Variants in ALS2 observed in about 807,000 individuals in gnomAD.
ALS2 encodes the protein alsin.
In ALS2, 117 loss-of-function variants were observed where a neutral mutation model predicts 203.4. The observed-to-expected ratio is 0.58, with a 90% CI of 0.50 to 0.67. ALS2 has a LOEUF of 0.67. Among genes scored for constraint, ALS2 ranks in the 30% least tolerant of loss-of-function variants. ALS2 has a pLI of 0.00. For synonymous variants in ALS2, 718 were observed against 725.9 expected (o/e 0.99, Z 0.17); for missense variants, 1,715 against 1,989.4 (o/e 0.86, Z 2.62).
In ALS2 at chr2:201,780,412, C is replaced by A. The variant is rs115734542; in HGVS notation, c.-61+465G>T. On this transcript the variant is annotated intron_variant, in intron 1 of 33. Transcript: ENST00000264276. ...GTAGCCCTTGGTCCACTCTTCAACG[C>A]GATTTGCACCCTGTGGCAAGGCCGC... 5.8e-4 allele frequency among the ~76,000 whole-genome samples: 89 copies of A among 152,350 alleles called. 1 individual carries two copies. The highest frequency in any genetic ancestry group is 2.1e-3 in the African/African-American group (86 of 41,568).
intron 13 of ALS2, among the ~76,000 whole-genome samples, chr2:201,731,753 A>T (rs1271538944): frequency 6.6e-6 from 1 of 152,202 alleles, no homozygotes; most frequent in Non-Finnish European, 1.5e-5. Context: ...AACCCCTGTG[A>T]TAAGGATAAG....
At chr2:201,715,562 A>T in intron 25 of ALS2, 110 bp downstream of exon 25, 2 of 1,339,384 alleles carry the variant, frequency 1.5e-6, no homozygotes, top group Non-Finnish European at 2.1e-6. Context: ...CTCAGAAGCG[A>T]AGTAAATCAT....
At chr2:201,732,087 G>A (rs937454130) in intron 13 of ALS2, among the ~76,000 whole-genome samples, 7 of 152,116 alleles carry the variant, frequency 4.6e-5, no homozygotes, top group African/African-American at 1.4e-4. Context: ...TATTTGAGAG[G>A]TCAAACCTTC....
intron 11 of ALS2, among the ~76,000 whole-genome samples, chr2:201,739,403 T>C (rs1028339928): frequency 6.6e-6 from 1 of 152,126 alleles, no homozygotes; most frequent in Non-Finnish European, 1.5e-5. Context: ...GTTGAATTTT[T>C]GATGAAAATT....
rs146952968 is a variant in ALS2 at position 201,780,682 on chromosome 2, G to C, written c.-61+195C>G. 3.7e-3 allele frequency among the ~76,000 whole-genome samples: 569 copies of C among 152,358 alleles called. 2 individuals are homozygous for C. The highest frequency in any genetic ancestry group is 6.8e-3 in the Middle Eastern group (2 of 294). ...GCAGGGGCCGCCTCGGGCGCTGCTG[G>C]ACCGGCAGGAGCAGTCGATCGCACC... On this transcript the variant is annotated intron_variant, in intron 1 of 33. Coordinates refer to ENST00000264276, the MANE Select transcript of ALS2 (RefSeq NM_020919.4).
At chr2:201,725,071 C>A (rs1691068998) in intron 20 of ALS2, among the ~76,000 whole-genome samples, 1 of 151,090 alleles carries the variant, frequency 6.6e-6, no homozygotes, top group Admixed American at 6.6e-5. Flanking sequence ...CAAGATTGCG[C>A]CACTGCACTC....
At chr2:201,740,966 C>CA (rs1275078509) in intron 11 of ALS2, among the ~76,000 whole-genome samples, 1 of 152,150 alleles carries the variant, frequency 6.6e-6, no homozygotes, top group East Asian at 1.9e-4. Flanking sequence ...AGTGGGCACT[C>CA]AGTGTTTGCT....
At chr2:201,749,638 A>G (rs1177579677) in intron 8 of ALS2, 74 bp downstream of exon 8, 1 of 1,340,192 alleles carries the variant, frequency 7.5e-7, no homozygotes, top group African/African-American at 1.4e-5. Flanking sequence ...ATATTTTAAA[A>G]TAAGAAATGG....
intron 33 of ALS2, 124 bp downstream of exon 33, chr2:201,703,998 C>A: frequency 1.3e-6 from 1 of 781,588 alleles, no homozygotes; most frequent in South Asian, 1.6e-5. Context: ...ACAAAATGTG[C>A]TCTAAAGGCA....
At chr2:201,768,200 CA>C (rs1459098758) in intron 2 of ALS2, among the ~76,000 whole-genome samples, 1 of 152,128 alleles carries the variant, frequency 6.6e-6, no homozygotes, top group Non-Finnish European at 1.5e-5. Flanking sequence ...TAATAGATAT[CA>C]GTAAAATCCT....
chr2:201,735,977 C>T (rs1691852573), intron 12 of ALS2, among the ~76,000 whole-genome samples: 1 of 152,122 alleles, frequency 6.6e-6, no homozygotes, highest in Non-Finnish European at 1.5e-5. Context: ...TTGGCTACAG[C>T]CCCATTTTCT....
chr2:201,711,016 T>C lies in ALS2; in HGVS notation c.4097A>G (p.Asp1366Gly), dbSNP rs1200121983. ...HVGAFSVEKY[D>G]DIRKYLIKAC... Reference sequence around the variant, plus strand: ...CTTTATTAAATATTTCCTGATGTCATCATATTTCTCCACAGAGAAGGCACC... The same window carrying C: ...CTTTATTAAATATTTCCTGATGTCACCATATTTCTCCACAGAGAAGGCACC... Residue 1366 changes from aspartate to glycine, a missense_variant, in exon 26 of 34, where the codon GAT becomes GGT. By Grantham distance (94) the Asp-to-Gly change is moderately conservative. Transcript: ENST00000264276. 1.2e-6 allele frequency: 2 copies of C among 1,608,042 alleles called. No homozygotes were observed. Among genetic ancestry groups the C allele is most frequent in the Admixed American group, 1.7e-5 (1 of 60,008 alleles).
chr2:201,702,887 G>A (rs150655581), intron 33 of ALS2, among the ~76,000 whole-genome samples: 7,009 of 152,232 alleles, frequency 0.046, 196 homozygotes, highest in Middle Eastern at 0.061. Flanking sequence ...AGGCCAAGGC[G>A]GGTGGATCAT....
chr2:201,760,266 G>A (rs1339954381), intron 4 of ALS2: 4 of 885,392 alleles, frequency 4.5e-6, no homozygotes, highest in South Asian at 1.0e-4. Context: ...AGCCACAATC[G>A]CATTACTGCA....
intron 32 of ALS2, 72 bp downstream of exon 32, chr2:201,704,382 C>T: frequency 1.3e-6 from 2 of 1,577,436 alleles, no homozygotes; most frequent in Non-Finnish European, 1.7e-6. Context: ...CTCCTGCTGT[C>T]AGTTCAGAAA....
intron 3 of ALS2, among the ~76,000 whole-genome samples, chr2:201,766,768 A>G (rs183990428): frequency 0.075 from 4,763 of 63,852 alleles, 170 homozygotes; most frequent in Non-Finnish European, 0.087. Context: ...AGCCATAAAA[A>G]ATGATGAGTT....
In ALS2 at chr2:201,767,228, C is replaced by A; in HGVS notation, c.175+1G>T. 6.2e-7 allele frequency: 1 copy of A among 1,614,006 alleles called. No homozygotes were observed. Among genetic ancestry groups the A allele is most frequent in the Non-Finnish European group, 8.5e-7 (1 of 1,179,978 alleles). On this transcript the variant is annotated splice_donor_variant, in intron 3 of 33. Coordinates refer to ENST00000264276, the MANE Select transcript of ALS2 (RefSeq NM_020919.4). LOFTEE classifies it high-confidence loss of function. ...ATTTGTTACGCCATTCTTTTCATTA[C>A]CTTCAGTCAGAAGAACTCCATGTTT...
chr2:201,770,011 A>T (rs1397860104), intron 1 of ALS2, among the ~76,000 whole-genome samples: 1 of 152,166 alleles, frequency 6.6e-6, no homozygotes, highest in Non-Finnish European at 1.5e-5. Flanking sequence ...TTAACAAGAG[A>T]TATATCTGAA....
rs372947824 is a variant in ALS2 at position 201,709,862 on chromosome 2, T to C, written c.4280+19A>G. 3.7e-6 allele frequency: 6 copies of C among 1,613,792 alleles called. No homozygotes were observed. In the African/African-American group the frequency reaches 8.0e-5, roughly 22 times the overall value. ...ATAGTATTCCATAGCCCGCAGACTT[T>C]AGTGAAAAGCTCTCTTACCTCACCA... On this transcript the variant is annotated intron_variant, in intron 27 of 33. Transcript: ENST00000264276.
Sources: allele counts gnomAD v4.1 joint callset (sites outside exome capture counted in the v4.1 genomes callset), GRCh38; gene constraint gnomAD v4.1.1; transcripts MANE v1.5; gene names NCBI Gene and HGNC (gene_info 2026-07-23, HGNC 2026-07-21).